Variants in UNC5D observed in about 807,000 individuals in gnomAD.
UNC5D encodes netrin receptor UNC5D.
A neutral mutation model predicts 105.4 loss-of-function variants in UNC5D; 39 were observed. The observed-to-expected ratio is 0.37, with a 90% CI of 0.29 to 0.48. The LOEUF is 0.48. Ranked by LOEUF, UNC5D falls within the 20% of genes least tolerant of loss-of-function variation. UNC5D has a pLI of 0.98. For synonymous variants in UNC5D, 452 were observed against 450.4 expected, an observed-to-expected ratio of 1.00 and a Z score of -0.04; for missense variants, 991 against 1,202.4, an observed-to-expected ratio of 0.82 and a Z score of 2.60.
intron 4 of UNC5D, among the ~76,000 whole-genome samples, chr8:35,631,328 T>C (rs1452183731): frequency 8.1e-6 from 1 of 123,648 alleles, no homozygotes; most frequent in African/African-American, 3.0e-5. Context: ...AAAAAAAAAA[T>C]CATTTGGCCT....
At chr8:35,589,832 C>T (rs561935076) in intron 3 of UNC5D, among the ~76,000 whole-genome samples, 2 of 152,226 alleles carry the variant, frequency 1.3e-5, no homozygotes, top group Admixed American at 1.3e-4. Flanking sequence ...CATCAATATT[C>T]TTTCCTTTTT....
At chr8:35,282,535 C>T (rs1806264474) in intron 1 of UNC5D, among the ~76,000 whole-genome samples, 1 of 151,878 alleles carries the variant, frequency 6.6e-6, no homozygotes, top group African/African-American at 2.4e-5. Context: ...TATTTTTGTC[C>T]CGCATATATG....
chr8:35,761,133 G>A (rs1283767055), intron 14 of UNC5D, among the ~76,000 whole-genome samples: 1 of 152,052 alleles, frequency 6.6e-6, no homozygotes, highest in Non-Finnish European at 1.5e-5. Flanking sequence ...TGATATTCAA[G>A]ATGTAGGTCT....
intron 1 of UNC5D, among the ~76,000 whole-genome samples, chr8:35,477,339 CT>C (rs977460947): frequency 6.6e-6 from 1 of 151,388 alleles, no homozygotes; most frequent in Non-Finnish European, 1.5e-5. Flanking sequence ...TTATTTTTCT[CT>C]TTTGTCTTTT....
chr8:35,570,263 C>T (rs1453809149), intron 3 of UNC5D, among the ~76,000 whole-genome samples: 2 of 152,170 alleles, frequency 1.3e-5, no homozygotes, highest in Non-Finnish European at 2.9e-5. Context: ...TGGGGAGGAA[C>T]CCAGACTCCA....
intron 4 of UNC5D, among the ~76,000 whole-genome samples, chr8:35,607,997 A>G (rs1563586015): frequency 6.6e-6 from 1 of 152,118 alleles, no homozygotes; most frequent in East Asian, 1.9e-4. Flanking sequence ...GACACCAGCC[A>G]TTAGACTATG....
At chr8:35,313,109 T>G (rs1027416132) in intron 1 of UNC5D, among the ~76,000 whole-genome samples, 5 of 152,204 alleles carry the variant, frequency 3.3e-5, no homozygotes, top group Non-Finnish European at 7.3e-5. Flanking sequence ...GGAGTAGATA[T>G]TAGCCATATT....
chr8:35,660,447 A>G (rs186264358), intron 4 of UNC5D, among the ~76,000 whole-genome samples: 315 of 152,290 alleles, frequency 2.1e-3, no homozygotes, highest in South Asian at 1.0e-2. Flanking sequence ...ACATGCAGAT[A>G]CTTTTAAGAA....
chr8:35,292,881 T>C (rs1015896780), intron 1 of UNC5D, among the ~76,000 whole-genome samples: 2 of 151,966 alleles, frequency 1.3e-5, no homozygotes, highest in African/African-American at 4.8e-5. Context: ...CACATGCGGC[T>C]AATTTTTGAT....
chr8:35,767,568 T>C (rs1295111308), intron 15 of UNC5D, among the ~76,000 whole-genome samples: 1 of 152,128 alleles, frequency 6.6e-6, no homozygotes, highest in East Asian at 1.9e-4. Flanking sequence ...CTCCCCAGGC[T>C]CAGAATTCTG....
intron 4 of UNC5D, among the ~76,000 whole-genome samples, chr8:35,656,916 T>G (rs1213699280): frequency 6.6e-6 from 1 of 151,592 alleles, no homozygotes; most frequent in Non-Finnish European, 1.5e-5. Context: ...CACACATGCC[T>G]CTCCAAAAAC....
rs573440985 is a variant in UNC5D, at chr8:35,475,256, C to T, written c.104-74036C>T. On this transcript the variant is annotated intron_variant, in intron 1 of 16. Transcript: ENST00000404895. ...CCCAATGAGACAGAGGGATAAAGGCCGAAGGAGAGCCAGGTCTGTGTCTGC... is the reference window on the plus strand; with the variant it reads ...CCCAATGAGACAGAGGGATAAAGGCTGAAGGAGAGCCAGGTCTGTGTCTGC... Among the ~76,000 whole-genome samples the T allele has an allele frequency of 5.3e-5, 8 of 152,200 alleles. No homozygotes were observed. In the East Asian group the frequency reaches 5.8e-4, roughly 11 times the overall value.
At chr8:35,357,451 C>G (rs1297590587) in intron 1 of UNC5D, among the ~76,000 whole-genome samples, 3 of 152,182 alleles carry the variant, frequency 2.0e-5, no homozygotes, top group South Asian at 2.1e-4. Flanking sequence ...CTTTGCTTCT[C>G]TCTTGCCTCT....
chr8:35,444,457 A>G (rs1807641845), intron 1 of UNC5D, among the ~76,000 whole-genome samples: 1 of 152,034 alleles, frequency 6.6e-6, no homozygotes, highest in Non-Finnish European at 1.5e-5. Context: ...TTCCCTTTCA[A>G]GTAACACATA....
chr8:35,257,620 A>G (rs866995147), intron 1 of UNC5D, among the ~76,000 whole-genome samples: 1 of 152,208 alleles, frequency 6.6e-6, no homozygotes, highest in Admixed American at 6.5e-5. Flanking sequence ...AACGAATAAT[A>G]GTTGGTGGTA....
At chr8:35,368,133 C>T (rs1240502712) in intron 1 of UNC5D, among the ~76,000 whole-genome samples, 1 of 152,114 alleles carries the variant, frequency 6.6e-6, no homozygotes, top group African/African-American at 2.4e-5. Flanking sequence ...AAACCTGGTA[C>T]AACTATAATG....
intron 3 of UNC5D, among the ~76,000 whole-genome samples, chr8:35,586,635 T>A (rs1301871256): frequency 6.6e-6 from 1 of 152,186 alleles, no homozygotes; most frequent in Non-Finnish European, 1.5e-5. Flanking sequence ...GGTTTGTTGT[T>A]CCTTCAGAGA....
At chr8:35,283,960 A>G (rs1027280358) in intron 1 of UNC5D, among the ~76,000 whole-genome samples, 2 of 152,232 alleles carry the variant, frequency 1.3e-5, no homozygotes, top group African/African-American at 4.8e-5. Flanking sequence ...AATTACCTAC[A>G]GTCTTCAAAA....
chr8:35,292,895 G>A (rs1002884620), intron 1 of UNC5D, among the ~76,000 whole-genome samples: 5 of 151,450 alleles, frequency 3.3e-5, no homozygotes, highest in African/African-American at 1.2e-4. Context: ...TTTTGATGAT[G>A]GCCAGGGTGG....
Sources: allele counts gnomAD v4.1 joint callset (sites outside exome capture counted in the v4.1 genomes callset), GRCh38; gene constraint gnomAD v4.1.1; transcripts MANE v1.5; gene names NCBI Gene and HGNC (gene_info 2026-07-23, HGNC 2026-07-21).